The following ZFHX3 variants were observed in gnomAD, a reference collection of about 807,000 sequenced individuals.
ZFHX3 encodes the protein zinc finger homeobox protein 3.
In ZFHX3, 42 loss-of-function variants were observed where a neutral mutation model predicts 279.1. The observed-to-expected ratio is 0.15, with a 90% CI of 0.12 to 0.19. ZFHX3 has a LOEUF of 0.19. ZFHX3 is among the 10% of genes least tolerant of loss of function. The probability of loss-of-function intolerance (pLI) is 1.00; values close to 1 mark genes in which losing one functional copy is unlikely to be tolerated. For missense variants in ZFHX3, 4,981 were observed against 4,754.0 expected (o/e 1.05, Z -1.40); for synonymous variants, 2,293 against 1,957.8 (o/e 1.17, Z -4.52).
chr16:72,817,887 G>T (rs1176793590), intron 5 of ZFHX3, among the ~76,000 whole-genome samples: 1 of 152,130 alleles, frequency 6.6e-6, no homozygotes, highest in Non-Finnish European at 1.5e-5. Flanking sequence ...TAGCTAAAAA[G>T]TACCACTGAC....
At chr16:73,380,963 C>T (rs2016809424) in intron 3 of ZFHX3, among the ~76,000 whole-genome samples, 1 of 152,196 alleles carries the variant, frequency 6.6e-6, no homozygotes, top group African/African-American at 2.4e-5. Flanking sequence ...GTCCTAGATA[C>T]AGTAGCTGCT....
At chr16:73,485,146 G>T (rs2018950535) in intron 2 of ZFHX3, among the ~76,000 whole-genome samples, 1 of 152,166 alleles carries the variant, frequency 6.6e-6, no homozygotes, top group Admixed American at 6.5e-5. Context: ...TCATAGCAAA[G>T]TCAAATAGAG....
At position 72,950,772 on chromosome 16, in the gene ZFHX3, C is replaced by T. The variant is rs777114231; in HGVS notation, c.2913G>A (p.Leu971=). ...TCACCGCCTTCCACTCGTCCTCCGA[C>T]AGGCTGCGCTCCACGTTCATGTGCA... The part of the protein sequence containing the change: ...LGLHMNVERS[L]SEDEWKAVMG... The change falls in exon 3 of 10, where the codon CTG becomes CTA. Residue 971 remains leucine, a synonymous_variant. Coordinates refer to ENST00000268489, the MANE Select transcript of ZFHX3 (RefSeq NM_006885.4). The T allele has an allele frequency of 1.2e-6, 2 of 1,614,228 alleles. No homozygotes were observed. Among genetic ancestry groups the T allele is most frequent in the Non-Finnish European group, 1.7e-6 (2 of 1,180,046 alleles).
rs551540776 is a variant in ZFHX3 at position 73,225,501 on chromosome 16, C to T, written c.-1104+31546G>A. On this transcript the variant is annotated intron_variant, in intron 5 of 17. Transcript: ENST00000641206. ...GCTACTCAGGAAGTTAAAGTGGGAG[C>T]GTCATTTGAGCCCGGGAGGTTGAGG... Among the ~76,000 whole-genome samples the T allele has an allele frequency of 8.6e-5, 13 of 152,046 alleles. No homozygotes were observed. In the East Asian group the frequency reaches 1.9e-3, roughly 23 times the overall value.
Position 72,863,665 on chromosome 16 carries a change from G to C in ZFHX3, c.3448+26066C>G, listed in dbSNP as rs528685685. 4.6e-5 allele frequency among the ~76,000 whole-genome samples: 7 copies of C among 152,294 alleles called. No homozygotes were observed. The East Asian group carries it at 1.2e-3, about 25-fold the overall frequency. ...ATGAAACAGGACTGGCTGTGAGTGG[G>C]TATCTGCCGAGGATGGATGATGGGT... On this transcript the variant is annotated intron_variant, in intron 4 of 9. Transcript: ENST00000268489.
At chr16:72,924,703 T>G (rs1379479640) in intron 3 of ZFHX3, among the ~76,000 whole-genome samples, 1 of 152,240 alleles carries the variant, frequency 6.6e-6, no homozygotes, top group Non-Finnish European at 1.5e-5. Flanking sequence ...ATGACATCAA[T>G]TCTGCTGTCA....
chr16:72,967,592 A>G (rs1192507090), intron 1 of ZFHX3, among the ~76,000 whole-genome samples: 2 of 152,126 alleles, frequency 1.3e-5, no homozygotes, highest in East Asian at 3.9e-4. Context: ...CACTCAGGGA[A>G]GAATCAATGG....
At chr16:73,622,517 G>A (rs1159327308) in intron 2 of ZFHX3, among the ~76,000 whole-genome samples, 7 of 152,226 alleles carry the variant, frequency 4.6e-5, no homozygotes, top group Middle Eastern at 3.4e-3. Flanking sequence ...AGCCGAGATC[G>A]TGCCACTGCA....
chr16:72,877,372 T>G (rs1304473074), intron 4 of ZFHX3, among the ~76,000 whole-genome samples: 3 of 28,982 alleles, frequency 1.0e-4, no homozygotes, highest in East Asian at 1.0e-3. Flanking sequence ...GTTGTTGTTG[T>G]TGGTGTTGTT....
At chr16:73,638,300 A>T (rs932398692) in intron 2 of ZFHX3, among the ~76,000 whole-genome samples, 2 of 152,232 alleles carry the variant, frequency 1.3e-5, no homozygotes, top group South Asian at 4.1e-4. Context: ...AACCATATAC[A>T]TATATTTATT....
rs181431746 is a variant in ZFHX3, at chr16:73,573,147, C to G, written c.-1547+107033G>C. 1.4e-4 allele frequency among the ~76,000 whole-genome samples: 21 copies of G among 152,260 alleles called. No homozygotes were observed. In the East Asian group the frequency reaches 4.1e-3, roughly 29 times the overall value. Reference sequence around the variant, plus strand: ...TGAGGGGACAGGGTGCGTTTTATTGCATTTTATGCACTGCTATTCTGCAAT... The same window carrying G: ...TGAGGGGACAGGGTGCGTTTTATTGGATTTTATGCACTGCTATTCTGCAAT... On this transcript the variant is annotated intron_variant, in intron 2 of 17. Coordinates refer to the ZFHX3 transcript ENST00000641206.
chr16:73,272,959 C>T (rs983137630), intron 4 of ZFHX3, among the ~76,000 whole-genome samples: 36 of 152,170 alleles, frequency 2.4e-4, no homozygotes, highest in Non-Finnish European at 3.5e-4. Flanking sequence ...GTTTCCTGGG[C>T]TGGTCTTGAA....
At chr16:73,689,968 T>C (rs1191402296) in intron 1 of ZFHX3, among the ~76,000 whole-genome samples, 2 of 151,844 alleles carry the variant, frequency 1.3e-5, no homozygotes, top group Non-Finnish European at 2.9e-5. Context: ...CAGGCTGGAG[T>C]GCAGTGGCGC....
intron 5 of ZFHX3, among the ~76,000 whole-genome samples, chr16:73,171,167 C>T (rs1266178690): frequency 2.0e-5 from 3 of 152,000 alleles, no homozygotes; most frequent in African/African-American, 7.3e-5. Context: ...ATTTCATCCC[C>T]CCAAAAAAGC....
chr16:73,491,836 T>C (rs1466044119), intron 2 of ZFHX3, among the ~76,000 whole-genome samples: 1 of 152,114 alleles, frequency 6.6e-6, no homozygotes, highest in Non-Finnish European at 1.5e-5. Flanking sequence ...ACATCCTAAA[T>C]GCACAAATCA....
intron 2 of ZFHX3, among the ~76,000 whole-genome samples, chr16:73,457,023 A>T (rs1024782502): frequency 1.3e-5 from 2 of 152,190 alleles, no homozygotes; most frequent in Admixed American, 1.3e-4. Flanking sequence ...GTGGAAGGAA[A>T]TCTACTGATT....
chr16:73,214,007 T>C (rs536641055), intron 5 of ZFHX3, among the ~76,000 whole-genome samples: 1 of 152,354 alleles, frequency 6.6e-6, no homozygotes, highest in African/African-American at 2.4e-5. Context: ...TCTTATTACA[T>C]GTTTGATACA....
At chr16:73,576,760 G>C (rs933206934) in intron 2 of ZFHX3, among the ~76,000 whole-genome samples, 2 of 151,970 alleles carry the variant, frequency 1.3e-5, no homozygotes, top group African/African-American at 2.4e-5. Context: ...TACATGTGCA[G>C]GTTTGTTATA....
At chr16:73,767,672 C>T (rs957507446) in intron 1 of ZFHX3, among the ~76,000 whole-genome samples, 2 of 152,170 alleles carry the variant, frequency 1.3e-5, no homozygotes, top group South Asian at 4.1e-4. Flanking sequence ...TCTTGTGGAT[C>T]TTCCTGTGTC....
Sources: allele counts gnomAD v4.1 joint callset (sites outside exome capture counted in the v4.1 genomes callset), GRCh38; gene constraint gnomAD v4.1.1; transcripts MANE v1.5; gene names NCBI Gene and HGNC (gene_info 2026-07-23, HGNC 2026-07-21).